Variants in FBXL17 observed in about 807,000 individuals in gnomAD.
The protein encoded by FBXL17 is F-box/LRR-repeat protein 17.
Under a neutral mutation model 66.2 loss-of-function variants are expected in FBXL17, and 22 were observed. The ratio of observed to expected loss-of-function variants is 0.33; its 90% CI spans 0.24 to 0.47. The LOEUF (loss-of-function observed/expected upper bound fraction) is 0.47, where lower values mean the gene tolerates loss of function less well. Ranked by LOEUF, FBXL17 falls within the 20% of genes least tolerant of loss-of-function variation. FBXL17 has a pLI of 1.00. For missense variants in FBXL17, 878 were observed against 948.2 expected, an observed-to-expected ratio of 0.93 and a Z score of 0.97; for synonymous variants, 474 against 400.5, an observed-to-expected ratio of 1.18 and a Z score of -2.19.
rs141728108 is a variant in FBXL17 at position 107,901,776 on chromosome 5, G to A, written c.1823-20597C>T. 2.1e-3 allele frequency among the ~76,000 whole-genome samples: 327 copies of A among 152,240 alleles called. 1 individual carries two copies. Among genetic ancestry groups the A allele is most frequent in the African/African-American group, 7.6e-3 (317 of 41,554 alleles). Reference sequence around the variant, plus strand: ...CAGAGTATTTTCAAAAACACACAAAGATAAATGGCAACCAACACTGGGCCT... The same window carrying A: ...CAGAGTATTTTCAAAAACACACAAAAATAAATGGCAACCAACACTGGGCCT... On this transcript the variant is annotated intron_variant, in intron 7 of 8. Transcript: ENST00000542267.
intron 4 of FBXL17, among the ~76,000 whole-genome samples, chr5:108,334,812 T>C (rs952288734): frequency 2.0e-5 from 3 of 152,062 alleles, no homozygotes. Flanking sequence ...AAACCCATGG[T>C]GTGAGATTAG....
intron 8 of FBXL17, chr5:107,880,026 CAA>C: frequency 1.8e-6 from 1 of 562,502 alleles, no homozygotes; most frequent in Non-Finnish European, 2.3e-6. Context: ...ATGGAATAAA[CAA>C]AGAAGAAAAC....
At position 107,879,531 on chromosome 5, in the gene FBXL17, C is replaced by G. The variant is rs150643098; in HGVS notation, c.1965+1506G>C. 190 of 985,386 alleles carry G rather than the reference C, an allele frequency of 1.9e-4. 1 individual carries two copies. In the East Asian group the frequency reaches 9.4e-3, roughly 49 times the overall value. 61.0% of individuals were successfully genotyped at this position (985,386 alleles called of 1,614,324 possible). On this transcript the variant is annotated intron_variant, in intron 8 of 8. Coordinates refer to ENST00000542267, the MANE Select transcript of FBXL17 (RefSeq NM_001163315.3). ...GCTGAGAATATATAATAACATTTCT[C>G]TAAACATAACTAGCTGGCAAAGGTC...
intron 4 of FBXL17, among the ~76,000 whole-genome samples, chr5:108,300,082 T>C (rs1274515187): frequency 6.6e-6 from 1 of 152,062 alleles, no homozygotes; most frequent in African/African-American, 2.4e-5. Context: ...TCACTTAAGA[T>C]TTTTGTTAAC....
At chr5:108,343,517 A>T (rs1186449265) in intron 4 of FBXL17, among the ~76,000 whole-genome samples, 1 of 152,196 alleles carries the variant, frequency 6.6e-6, no homozygotes, top group Non-Finnish European at 1.5e-5. Flanking sequence ...TCAAGATTAT[A>T]GGAGGGGAAC....
intron 5 of FBXL17, among the ~76,000 whole-genome samples, chr5:108,212,692 T>C (rs1754430257): frequency 6.6e-6 from 1 of 152,152 alleles, no homozygotes; most frequent in Non-Finnish European, 1.5e-5. Flanking sequence ...GGAAGCTTCG[T>C]CCCAGAGGGG....
intron 3 of FBXL17, among the ~76,000 whole-genome samples, chr5:108,357,409 T>A (rs897590938): frequency 5.9e-5 from 9 of 152,040 alleles, no homozygotes; most frequent in African/African-American, 1.9e-4. Context: ...TATCCTTCTA[T>A]CTGAAATGGA....
chr5:108,346,546 T>C (rs567598033), intron 4 of FBXL17, among the ~76,000 whole-genome samples: 1 of 152,172 alleles, frequency 6.6e-6, no homozygotes, highest in African/African-American at 2.4e-5. Context: ...AGTCAACAAA[T>C]ATCCTACTGC....
intron 7 of FBXL17, among the ~76,000 whole-genome samples, chr5:107,965,222 T>G (rs1175099834): frequency 6.6e-6 from 1 of 152,124 alleles, no homozygotes; most frequent in East Asian, 1.9e-4. Flanking sequence ...TAAAAGTAGT[T>G]GATTGAATTT....
At chr5:108,113,536 G>A (rs1224796397) in intron 6 of FBXL17, among the ~76,000 whole-genome samples, 5 of 152,044 alleles carry the variant, frequency 3.3e-5, no homozygotes, top group African/African-American at 9.7e-5. Flanking sequence ...TAAAGTAAAT[G>A]AAAATTATGG....
chr5:107,987,767 T>C (rs1357740806), intron 7 of FBXL17, among the ~76,000 whole-genome samples: 1 of 152,024 alleles, frequency 6.6e-6, no homozygotes, highest in East Asian at 1.9e-4. Flanking sequence ...ATGACAAAAT[T>C]GGAAAAGAGC....
intron 6 of FBXL17, among the ~76,000 whole-genome samples, chr5:108,156,212 A>G (rs1277511023): frequency 6.6e-6 from 1 of 152,086 alleles, no homozygotes; most frequent in Non-Finnish European, 1.5e-5. Context: ...CATACATATG[A>G]TAAGAGATCA....
chr5:108,014,393 CT>C (rs1361097137), intron 7 of FBXL17, among the ~76,000 whole-genome samples: 3 of 151,982 alleles, frequency 2.0e-5, no homozygotes, highest in Admixed American at 2.0e-4. Flanking sequence ...GTTCATTTGT[CT>C]TTTAAATGAA....
intron 1 of FBXL17, among the ~76,000 whole-genome samples, chr5:108,370,364 T>C (rs139619281): frequency 7.2e-4 from 110 of 152,322 alleles, no homozygotes; most frequent in Middle Eastern, 3.4e-3. Context: ...ATCTCTACTA[T>C]GTTTAAATCT....
At chr5:108,296,168 A>G (rs1273296974) in intron 4 of FBXL17, among the ~76,000 whole-genome samples, 1 of 151,844 alleles carries the variant, frequency 6.6e-6, no homozygotes, top group Non-Finnish European at 1.5e-5. Context: ...AATTTTTAGG[A>G]GAAAGACAAG....
rs548218604 is a variant in FBXL17, at chr5:107,998,811, C to T, written c.1822+22114G>A. 2.0e-5 allele frequency among the ~76,000 whole-genome samples: 3 copies of T among 152,258 alleles called. No individual in the cohort carries two copies. The East Asian group carries it at 5.8e-4, about 29-fold the overall frequency. On this transcript the variant is annotated intron_variant, in intron 7 of 8. Transcript: ENST00000542267. ...AAAGTTCTGTCATTGCAAGATAAAT[C>T]TGACTTGACACTTGCCTCTTCAAAC... is the stretch of plus-strand genomic sequence containing the variant.
At chr5:108,182,153 G>T (rs1315333180) in intron 6 of FBXL17, among the ~76,000 whole-genome samples, 1 of 152,152 alleles carries the variant, frequency 6.6e-6, no homozygotes, top group Non-Finnish European at 1.5e-5. Context: ...GGAACTCAGT[G>T]CCCCACAGTC....
intron 7 of FBXL17, among the ~76,000 whole-genome samples, chr5:107,900,178 T>C (rs1447446158): frequency 6.6e-6 from 1 of 152,194 alleles, no homozygotes; most frequent in Non-Finnish European, 1.5e-5. Flanking sequence ...CTAAAATAAG[T>C]TTATTAACAA....
At chr5:107,880,256 G>T in intron 8 of FBXL17, 1 of 522,750 alleles carries the variant, frequency 1.9e-6, no homozygotes, top group Non-Finnish European at 2.5e-6. Context: ...TGGGGGAGAG[G>T]GGGATAGAGA....
Sources: allele counts gnomAD v4.1 joint callset (sites outside exome capture counted in the v4.1 genomes callset), GRCh38; gene constraint gnomAD v4.1.1; transcripts MANE v1.5; gene names NCBI Gene and HGNC (gene_info 2026-07-23, HGNC 2026-07-21).